The following SNTG1 variants were observed in gnomAD, a reference collection of about 807,000 sequenced individuals.
The protein encoded by SNTG1 is gamma-1-syntrophin.
SNTG1 carries 39 observed loss-of-function variants against 74.7 expected under a neutral mutation model. That is an observed-to-expected ratio of 0.52 (90% CI 0.40 to 0.68). The LOEUF (loss-of-function observed/expected upper bound fraction) is 0.68. Ranked by LOEUF, SNTG1 falls within the 30% of genes least tolerant of loss-of-function variation. SNTG1 has a pLI of 0.00. For missense variants in SNTG1, 685 were observed against 609.5 expected (o/e 1.12, Z -1.30); for synonymous variants, 254 against 217.1 (o/e 1.17, Z -1.49).
At chr8:50,145,350 G>T (rs1207938826) in intron 1 of SNTG1, among the ~76,000 whole-genome samples, 2 of 152,062 alleles carry the variant, frequency 1.3e-5, no homozygotes, top group African/African-American at 2.4e-5. Context: ...AGTTTTATTT[G>T]CTTGCTTCTT....
intron 2 of SNTG1, among the ~76,000 whole-genome samples, chr8:50,249,250 G>T (rs1242264809): frequency 2.6e-5 from 4 of 152,224 alleles, no homozygotes; most frequent in African/African-American, 9.6e-5. Context: ...CCATCCCCAG[G>T]GCAGGAGTCC....
rs1341274755 is a variant in SNTG1 at position 50,792,867 on chromosome 8, T to A, written c.*38T>A. On this transcript the variant is annotated 3_prime_UTR_variant, in exon 19 of 19. Coordinates refer to ENST00000642720, the MANE Select transcript of SNTG1 (RefSeq NM_018967.5). ...TTCATTGACACACCCCATGACTGTA[T>A]AAGCAGGACACATTTACTCATCATT... 1.3e-6 allele frequency: 2 copies of A among 1,558,800 alleles called. No homozygotes were observed. The highest frequency in any genetic ancestry group is 1.7e-6 in the Non-Finnish European group (2 of 1,150,192).
intron 8 of SNTG1, among the ~76,000 whole-genome samples, chr8:50,478,601 A>G (rs1904996): frequency 0.63 from 95,653 of 151,938 alleles, 32,813 homozygotes; most frequent in Non-Finnish European, 0.77. Flanking sequence ...TTGGACATAT[A>G]TTTTCAAATT....
chr8:50,324,095 A>G (rs1327321865), intron 2 of SNTG1, among the ~76,000 whole-genome samples: 1 of 152,184 alleles, frequency 6.6e-6, no homozygotes, highest in Non-Finnish European at 1.5e-5. Flanking sequence ...CTAGGACCCC[A>G]GAGCCCTTCA....
intron 1 of SNTG1, among the ~76,000 whole-genome samples, chr8:49,916,431 A>T (rs749026175): frequency 4.6e-5 from 7 of 151,820 alleles, no homozygotes; most frequent in Non-Finnish European, 1.0e-4. Context: ...ATCATGTTAT[A>T]TTTTTTTTCA....
chr8:50,615,205 C>G (rs1437087781), intron 13 of SNTG1, among the ~76,000 whole-genome samples: 2 of 152,120 alleles, frequency 1.3e-5, no homozygotes, highest in East Asian at 1.9e-4. Flanking sequence ...CATGATCTGC[C>G]TGCCTCGGCC....
chr8:50,425,037 G>C (rs1297982171), intron 4 of SNTG1, among the ~76,000 whole-genome samples: 7 of 152,220 alleles, frequency 4.6e-5, no homozygotes, highest in African/African-American at 1.7e-4. Flanking sequence ...TTCCATAGTA[G>C]AGATAGCATT....
intron 13 of SNTG1, among the ~76,000 whole-genome samples, chr8:50,597,915 T>C (rs2094742580): frequency 6.6e-6 from 1 of 152,030 alleles, no homozygotes; most frequent in Non-Finnish European, 1.5e-5. Context: ...AATTACATGG[T>C]TTCTTGCTAT....
chr8:50,706,023 T>C (rs1322435182), intron 16 of SNTG1, among the ~76,000 whole-genome samples: 1 of 152,210 alleles, frequency 6.6e-6, no homozygotes, highest in Non-Finnish European at 1.5e-5. Context: ...GTTGGATACA[T>C]ATATTTTGAA....
At chr8:50,433,868 A>G (rs1044828224) in intron 4 of SNTG1, among the ~76,000 whole-genome samples, 1 of 152,194 alleles carries the variant, frequency 6.6e-6, no homozygotes, top group African/African-American at 2.4e-5. Context: ...TGAGAGCTAT[A>G]AGTACACATA....
chr8:50,093,002 G>A (rs1000777718), intron 1 of SNTG1, among the ~76,000 whole-genome samples: 2 of 152,038 alleles, frequency 1.3e-5, no homozygotes, highest in Admixed American at 1.3e-4. Context: ...TCTCGTTGAA[G>A]GAGAATTCTC....
intron 1 of SNTG1, among the ~76,000 whole-genome samples, chr8:50,090,691 G>A (rs929120238): frequency 3.3e-5 from 5 of 152,084 alleles, no homozygotes; most frequent in African/African-American, 9.7e-5. Flanking sequence ...ACGAGTGTGT[G>A]ATCCAAAAAT....
intron 1 of SNTG1, among the ~76,000 whole-genome samples, chr8:49,913,976 C>T (rs1805800524): frequency 6.6e-6 from 1 of 151,978 alleles, no homozygotes; most frequent in South Asian, 2.1e-4. Context: ...TTACCTTTGC[C>T]TAATCCCTTA....
At chr8:50,353,774 G>A (rs1303649771) in intron 2 of SNTG1, among the ~76,000 whole-genome samples, 2 of 152,220 alleles carry the variant, frequency 1.3e-5, no homozygotes, top group South Asian at 2.1e-4. Context: ...ACTCATTATG[G>A]TAGCAGGAAT....
intron 1 of SNTG1, among the ~76,000 whole-genome samples, chr8:50,132,056 T>C (rs1481291730): frequency 1.3e-5 from 2 of 152,120 alleles, no homozygotes; most frequent in Non-Finnish European, 2.9e-5. Flanking sequence ...TCTATGCTGG[T>C]ACTATACTGT....
At position 50,654,939 on chromosome 8, in the gene SNTG1, C is replaced by A. The variant is rs551539048; in HGVS notation, c.850-1970C>A. Among the ~76,000 whole-genome samples, 7 of 152,282 alleles carry A rather than the reference C, an allele frequency of 4.6e-5. No individual in the cohort carries two copies. The South Asian group carries it at 1.0e-3, about 23-fold the overall frequency. On this transcript the variant is annotated intron_variant, in intron 13 of 18. Coordinates refer to ENST00000642720, the MANE Select transcript of SNTG1 (RefSeq NM_018967.5). Reference sequence around the variant, plus strand: ...ACATGTGGAAGATTCTGGACTTTAACATTTTGATCCAAACCTGTGAGACTG... The same window carrying A: ...ACATGTGGAAGATTCTGGACTTTAAAATTTTGATCCAAACCTGTGAGACTG...
intron 9 of SNTG1, among the ~76,000 whole-genome samples, chr8:50,526,294 GT>G (rs1451047542): frequency 6.6e-6 from 1 of 152,082 alleles, no homozygotes; most frequent in South Asian, 2.1e-4. Context: ...TTGGATGAGT[GT>G]TTTTTGCTTT....
At chr8:50,418,666 T>C (rs2093043628) in intron 4 of SNTG1, among the ~76,000 whole-genome samples, 1 of 152,064 alleles carries the variant, frequency 6.6e-6, no homozygotes, top group African/African-American at 2.4e-5. Context: ...AACTTAAACA[T>C]GAAGTTTTAG....
intron 13 of SNTG1, among the ~76,000 whole-genome samples, chr8:50,591,172 C>T (rs934168140): frequency 7.2e-5 from 11 of 151,960 alleles, no homozygotes; most frequent in African/African-American, 2.2e-4. Flanking sequence ...TATTTGAATA[C>T]ATTGTTGAAG....
Sources: gnomAD v4.1 joint callset for allele counts (sites outside exome capture counted in the v4.1 genomes callset) on GRCh38, gnomAD v4.1.1 for gene constraint, MANE v1.5 for transcripts, NCBI Gene and HGNC (gene_info 2026-07-23, HGNC 2026-07-21) for gene names.